The following EXOC6B variants were observed in gnomAD, a reference collection of about 807,000 sequenced individuals.
The protein encoded by EXOC6B is SEC15 homolog B.
EXOC6B carries 54 observed loss-of-function variants against 113.5 expected under a neutral mutation model. The ratio of observed to expected loss-of-function variants is 0.48; its 90% CI spans 0.38 to 0.60. The LOEUF (loss-of-function observed/expected upper bound fraction) is 0.60, where lower values mean the gene tolerates loss of function less well. Among genes scored for constraint, EXOC6B ranks in the 20% least tolerant of loss-of-function variants. EXOC6B has a pLI of 0.00. For missense variants in EXOC6B, 797 were observed against 977.5 expected (o/e 0.82, Z 2.46); for synonymous variants, 357 against 339.0 (o/e 1.05, Z -0.58).
At chr2:72,750,757 AAAG>A (rs1254704387) in intron 1 of EXOC6B, among the ~76,000 whole-genome samples, 1 of 152,078 alleles carries the variant, frequency 6.6e-6, no homozygotes, top group African/African-American at 2.4e-5. Context: ...ATTTATTTTT[AAAG>A]TAGTCCCAGC....
chr2:72,309,882 A>G (rs1360883639), intron 20 of EXOC6B, among the ~76,000 whole-genome samples: 3 of 152,174 alleles, frequency 2.0e-5, no homozygotes, highest in African/African-American at 7.2e-5. Context: ...TGAATATTTC[A>G]TATAAATGGA....
chr2:72,196,531 A>G (rs533135252), intron 20 of EXOC6B, among the ~76,000 whole-genome samples: 2 of 152,296 alleles, frequency 1.3e-5, no homozygotes, highest in South Asian at 4.1e-4. Flanking sequence ...GTAAAATTGC[A>G]ACTCAGAATT....
chr2:72,473,288 C>A (rs1177037585), intron 17 of EXOC6B, among the ~76,000 whole-genome samples: 3 of 152,002 alleles, frequency 2.0e-5, no homozygotes, highest in Non-Finnish European at 4.4e-5. Context: ...TAAAGTGCCA[C>A]AATTTTATTA....
intron 6 of EXOC6B, among the ~76,000 whole-genome samples, chr2:72,667,652 G>A (rs1675486420): frequency 6.6e-6 from 1 of 152,132 alleles, no homozygotes; most frequent in African/African-American, 2.4e-5. Context: ...AAATGGTACT[G>A]GGATAACTGG....
At position 72,180,005 on chromosome 2, in the gene EXOC6B, C is replaced by T. The variant is rs181973323; in HGVS notation, c.2310-544G>A. On this transcript the variant is annotated intron_variant, in intron 21 of 21. Coordinates refer to ENST00000272427, the MANE Select transcript of EXOC6B (RefSeq NM_015189.3). ...GCTGGCTACTCTATCCTATCCCCAA[C>T]AAAACTAAGGGCTTGACTGACCTTT... is the stretch of plus-strand genomic sequence containing the variant. 2.3e-3 allele frequency among the ~76,000 whole-genome samples: 350 copies of T among 152,336 alleles called. 1 individual carries two copies. The highest frequency in any genetic ancestry group is 3.0e-3 in the Non-Finnish European group (205 of 68,040).
intron 19 of EXOC6B, among the ~76,000 whole-genome samples, chr2:72,357,434 G>C (rs1251994988): frequency 6.6e-6 from 1 of 152,118 alleles, no homozygotes; most frequent in African/African-American, 2.4e-5. Context: ...GCTCATGCCT[G>C]TAATCCCAGA....
intron 20 of EXOC6B, among the ~76,000 whole-genome samples, chr2:72,332,988 A>C (rs911726104): frequency 2.0e-5 from 3 of 152,136 alleles, no homozygotes; most frequent in Non-Finnish European, 4.4e-5. Context: ...CAGACCAAGA[A>C]CTAAAGAAGT....
intron 19 of EXOC6B, among the ~76,000 whole-genome samples, chr2:72,377,885 A>G (rs527398657): frequency 5.3e-5 from 8 of 152,230 alleles, no homozygotes; most frequent in African/African-American, 1.9e-4. Flanking sequence ...TAATATATAT[A>G]TTAACTAGCT....
intron 5 of EXOC6B, chr2:72,721,923 G>A (rs1680032069): frequency 6.6e-6 from 1 of 150,738 alleles, no homozygotes; most frequent in Non-Finnish European, 1.5e-5. Flanking sequence ...TTTTGCAGCA[G>A]GGAGATAAAA....
intron 6 of EXOC6B, among the ~76,000 whole-genome samples, chr2:72,712,753 G>A (rs1455614432): frequency 1.3e-5 from 2 of 152,170 alleles, no homozygotes; most frequent in Non-Finnish European, 2.9e-5. Context: ...TCAAGAAAAA[G>A]TGATTTTATT....
intron 8 of EXOC6B, among the ~76,000 whole-genome samples, chr2:72,531,893 G>A (rs1702022180): frequency 6.6e-6 from 1 of 152,184 alleles, no homozygotes; most frequent in Non-Finnish European, 1.5e-5. Context: ...GCTGAGGCAG[G>A]AGAATCGCTT....
chr2:72,544,936 C>T (rs1179998664), intron 8 of EXOC6B, among the ~76,000 whole-genome samples: 1 of 152,054 alleles, frequency 6.6e-6, no homozygotes, highest in African/African-American at 2.4e-5. Flanking sequence ...TTTTTACAGG[C>T]ATTTCCCATT....
chr2:72,548,721 A>T lies in EXOC6B; in HGVS notation c.915+10732T>A, dbSNP rs184229962. Among the ~76,000 whole-genome samples the T allele has an allele frequency of 6.6e-5, 10 of 152,334 alleles. No homozygotes were observed. The East Asian group carries it at 1.9e-3, about 29-fold the overall frequency. On this transcript the variant is annotated intron_variant, in intron 8 of 21. Transcript: ENST00000272427. The stretch of plus-strand genomic sequence containing the variant: ...CTAAGTGCTAAGTACTGGGACTAAA[A>T]AGAGGTGAATAAATATAATACCTGC...
rs1329350506 is a variant in EXOC6B, at chr2:72,515,161, T to C, written c.916-35A>G. The C allele has an allele frequency of 3.9e-6, 6 of 1,529,224 alleles. 1 individual carries two copies. In the South Asian group the frequency reaches 5.9e-5, roughly 15 times the overall value. 94.7% of individuals were successfully genotyped at this position (1,529,224 alleles called of 1,614,324 possible). A position where few individuals can be genotyped will look rare whatever the true frequency, so the allele number is the denominator to read the frequency against. ...AAGAAAAGAAAATGGGTTGACACAA[T>C]TGGACCAATTACTCTTTTATTTCAA... On this transcript the variant is annotated intron_variant, in intron 8 of 21. Coordinates refer to ENST00000272427, the MANE Select transcript of EXOC6B (RefSeq NM_015189.3).
At chr2:72,567,281 G>C (rs967912665) in intron 7 of EXOC6B, among the ~76,000 whole-genome samples, 3 of 152,048 alleles carry the variant, frequency 2.0e-5, no homozygotes, top group Admixed American at 2.0e-4. Flanking sequence ...GGGATACACT[G>C]TAGGATCAAA....
At chr2:72,401,612 TATATATATAC>T (rs1693287033) in intron 18 of EXOC6B, among the ~76,000 whole-genome samples, 2 of 46,588 alleles carry the variant, frequency 4.3e-5, no homozygotes, top group East Asian at 3.8e-4. Flanking sequence ...TGTGTATATA[TATATATATAC>T]ATATATATAT....
chr2:72,337,499 G>T (rs911590779), intron 19 of EXOC6B, among the ~76,000 whole-genome samples: 2 of 152,122 alleles, frequency 1.3e-5, no homozygotes, highest in African/African-American at 2.4e-5. Flanking sequence ...TCCTTATTGG[G>T]CATGCTCCCT....
At chr2:72,581,569 T>C (rs1011831533) in intron 6 of EXOC6B, among the ~76,000 whole-genome samples, 18 of 152,148 alleles carry the variant, frequency 1.2e-4, no homozygotes, top group African/African-American at 4.1e-4. Flanking sequence ...TCGAGGAAGG[T>C]GGTCACTATA....
At chr2:72,594,117 A>T (rs554371627) in intron 6 of EXOC6B, among the ~76,000 whole-genome samples, 28 of 152,050 alleles carry the variant, frequency 1.8e-4, no homozygotes, top group Non-Finnish European at 3.8e-4. Flanking sequence ...AATAGTTGGG[A>T]CCACAGGGGC....
Sources: gnomAD v4.1 joint callset for allele counts (sites outside exome capture counted in the v4.1 genomes callset) on GRCh38, gnomAD v4.1.1 for gene constraint, MANE v1.5 for transcripts, NCBI Gene and HGNC (gene_info 2026-07-23, HGNC 2026-07-21) for gene names.